The following DDX52 variants were observed in gnomAD, a reference collection of about 807,000 sequenced individuals.
The protein encoded by DDX52 is probable ATP-dependent RNA helicase DDX52.
Under a neutral mutation model 76.1 loss-of-function variants are expected in DDX52, and 59 were observed. The observed-to-expected ratio is 0.78, with a 90% CI of 0.63 to 0.96. The LOEUF (loss-of-function observed/expected upper bound fraction) is 0.96, where lower values mean the gene tolerates loss of function less well. Ranked by LOEUF, DDX52 falls within the 40% of genes least tolerant of loss-of-function variation. DDX52 has a pLI of 0.00. For synonymous variants in DDX52, 231 were observed against 244.1 expected (o/e 0.95, Z 0.50); for missense variants, 707 against 703.9 (o/e 1.00, Z -0.05).
intron 6 of DDX52, 54 bp downstream of exon 6, chr17:37,628,507 T>G: frequency 7.2e-7 from 1 of 1,381,900 alleles, no homozygotes; most frequent in Non-Finnish European, 1.0e-6. Context: ...AGGATATTTA[T>G]AATTTCCAGA....
intron 9 of DDX52, among the ~76,000 whole-genome samples, chr17:37,623,528 C>T (rs993749898): frequency 1.3e-5 from 2 of 152,188 alleles, no homozygotes; most frequent in African/African-American, 4.8e-5. Context: ...AAACTGTTTG[C>T]CTTAGACAGG....
At chr17:37,636,018 T>C (rs2030906276) in intron 2 of DDX52, among the ~76,000 whole-genome samples, 1 of 152,256 alleles carries the variant, frequency 6.6e-6, no homozygotes, top group Non-Finnish European at 1.5e-5. Context: ...TCCTTTGATA[T>C]ACATTTTGCA....
intron 2 of DDX52, among the ~76,000 whole-genome samples, chr17:37,639,879 T>A (rs2031107157): frequency 6.6e-6 from 1 of 152,214 alleles, no homozygotes; most frequent in Non-Finnish European, 1.5e-5. Flanking sequence ...CCTAAGTTTG[T>A]GGCGTGTCTT....
At chr17:37,620,042 T>C (rs2030001847) in intron 12 of DDX52, 1 of 507,780 alleles carries the variant, frequency 2.0e-6, no homozygotes, top group Non-Finnish European at 3.5e-6. Flanking sequence ...AATGCACTGA[T>C]GAATAACTAT....
chr17:37,633,287 C>G lies in DDX52; in HGVS notation c.417+1G>C. 6.3e-7 allele frequency: 1 copy of G among 1,598,796 alleles called. No homozygotes were observed. Among genetic ancestry groups the G allele is most frequent in the Non-Finnish European group, 8.5e-7 (1 of 1,175,192 alleles). ...TTTTGGCCCCAAAATATTTTTCTAA[C>G]CTTTTCTTTTCTGAGATTCTCCAAC... On this transcript the variant is annotated splice_donor_variant, in intron 3 of 14. Coordinates refer to ENST00000617633, the MANE Select transcript of DDX52 (RefSeq NM_007010.5). LOFTEE classifies it high-confidence loss of function.
Position 37,614,332 on chromosome 17 carries a change from G to A in DDX52, c.1764C>T (p.Asn588=), listed in dbSNP as rs1304309964. The A allele has an allele frequency of 1.2e-6, 2 of 1,611,748 alleles. No individual in the cohort carries two copies. The highest frequency in any genetic ancestry group is 2.7e-5 in the African/African-American group (2 of 74,784). ...KDKQKKVTGQ[N]SKKKVALEDK... is the part of the protein sequence containing the mutation. ...CTTCAAGAGCTACTTTCTTCTTGCT[G>A]TTCTGACCAGTGACCTTTTTCCTGT... The change falls in exon 15 of 15, where the codon AAC becomes AAT. Residue 588 remains asparagine (N), a synonymous_variant. Transcript: ENST00000617633.
rs796857346 is a variant in DDX52, at chr17:37,612,475, G to C, written c.*1821C>G. The C allele has an allele frequency of 5.3e-5, 8 of 152,308 alleles. No individual in the cohort carries two copies. Among genetic ancestry groups the C allele is most frequent in the African/African-American group, 1.4e-4 (6 of 41,560 alleles). The allele number at this position is 152,308 out of a possible 1,614,324, so 9.4% of individuals were successfully genotyped here. ...TCTATAGCATGCAGGACAGTAACAT[G>C]CTATACGGGTTTGTAGCCTAGGAGC... On this transcript the variant is annotated 3_prime_UTR_variant, in exon 15 of 15. Transcript: ENST00000617633.
chr17:37,618,171 A>G lies in DDX52; in HGVS notation c.1742+121T>C, dbSNP rs1024126588. The G allele has an allele frequency of 1.8e-5, 13 of 706,528 alleles. No homozygotes were observed. The African/African-American group carries it at 2.1e-4, about 11-fold the overall frequency. 43.8% of individuals were successfully genotyped at this position (706,528 alleles called of 1,614,324 possible). A position where few individuals can be genotyped will look rare whatever the true frequency, so the allele number is the denominator to read the frequency against. On this transcript the variant is annotated intron_variant, in intron 14 of 14. Coordinates refer to ENST00000617633, the MANE Select transcript of DDX52 (RefSeq NM_007010.5). The stretch of plus-strand genomic sequence containing the variant: ...AGGCAACCTAAAATATATTATTTTT[A>G]TAACGTTTTATAACAGACTGTAGTA...
chr17:37,641,123 G>C (rs1342847612), intron 2 of DDX52, among the ~76,000 whole-genome samples: 2 of 152,200 alleles, frequency 1.3e-5, no homozygotes, highest in Non-Finnish European at 2.9e-5. Flanking sequence ...AGGTGTGGTG[G>C]CTCACGCCTG....
intron 2 of DDX52, among the ~76,000 whole-genome samples, chr17:37,640,213 C>G (rs898386203): frequency 6.6e-5 from 10 of 152,182 alleles, no homozygotes; most frequent in African/African-American, 2.4e-4. Context: ...AAAACTACAA[C>G]AGCAAAAATG....
intron 6 of DDX52, 39 bp from the exon 7 acceptor site, chr17:37,626,899 AT>A: frequency 6.4e-7 from 1 of 1,554,476 alleles, no homozygotes; most frequent in Non-Finnish European, 8.8e-7. Context: ...CAAAAACAGG[AT>A]TTATCCCTCT....
In DDX52 at chr17:37,625,006, CTGTTTTTTTTGTTTTT is replaced by C. The variant is rs561888642; in HGVS notation, c.1137-588_1137-573del. On this transcript the variant is annotated intron_variant, in intron 8 of 14. Transcript: ENST00000617633. ...TTTATGGTGAATTCATTCTGCTTTC[CTGTTTTTTTTGTTTTT>C]CAAGATGGAATCTCACTCTGTCACC... is the stretch of plus-strand genomic sequence containing the variant. Among the ~76,000 whole-genome samples, 476 of 151,578 alleles carry C rather than the reference CTGTTTTTTTTGTTTTT, an allele frequency of 3.1e-3. 6 individuals carry two copies. In the East Asian group the frequency reaches 0.049, roughly 15 times the overall value.
At chr17:37,624,309 CTT>C (rs751286788) in intron 9 of DDX52, 33 bp downstream of exon 9, 3 of 1,570,058 alleles carry the variant, frequency 1.9e-6, no homozygotes, top group Middle Eastern at 1.8e-4. Context: ...ACTTGGCAAA[CTT>C]TACCAAAATT....
In DDX52 at chr17:37,628,986, G is replaced by A. The variant is rs181031338; in HGVS notation, c.748-314C>T. ...TAATCCCAGCGCTTTGGGAGGCCAAGGTGGGTGGATCACTTGAGGCCAGGA... is the reference window on the plus strand; with the variant it reads ...TAATCCCAGCGCTTTGGGAGGCCAAAGTGGGTGGATCACTTGAGGCCAGGA... On this transcript the variant is annotated intron_variant, in intron 5 of 14. Coordinates refer to ENST00000617633, the MANE Select transcript of DDX52 (RefSeq NM_007010.5). 2.0e-5 allele frequency among the ~76,000 whole-genome samples: 3 copies of A among 152,316 alleles called. No homozygotes were observed. The East Asian group carries it at 5.8e-4, about 29-fold the overall frequency.
rs770975759 is a variant in DDX52 at position 37,643,427 on chromosome 17, CCAGAAAGCGCCA to C, written c.-19_-8del. 5 of 1,613,712 alleles carry C rather than the reference CCAGAAAGCGCCA, an allele frequency of 3.1e-6. No individual in the cohort carries two copies. In the East Asian group the frequency reaches 1.1e-4, roughly 36 times the overall value. On this transcript the variant is annotated 5_prime_UTR_variant, in exon 1 of 15. Coordinates refer to ENST00000617633, the MANE Select transcript of DDX52 (RefSeq NM_007010.5). ...AGAGATCGTGGACGTCCATCTTTAC[CCAGAAAGCGCCA>C]CAGTTCTACGGCGCCTGCGCAGACT...
Position 37,609,985 on chromosome 17 carries a change from G to A in DDX52, c.*4311C>T, listed in dbSNP as rs1473878932. On this transcript the variant is annotated 3_prime_UTR_variant, in exon 15 of 15. Coordinates refer to ENST00000617633, the MANE Select transcript of DDX52 (RefSeq NM_007010.5). ...ACCCATATTTCGAAAAAACTCCAAG[G>A]TGTACTACTCTTGTTTGGTTCTGCC... is the stretch of plus-strand genomic sequence containing the variant. 6.6e-6 allele frequency: 1 copy of A among 150,792 alleles called. No homozygotes were observed. The highest frequency in any genetic ancestry group is 2.5e-5 in the African/African-American group (1 of 40,078). 9.3% of individuals were successfully genotyped at this position (150,792 alleles called of 1,614,324 possible).
intron 2 of DDX52, among the ~76,000 whole-genome samples, chr17:37,634,374 G>A (rs2030831491): frequency 6.6e-6 from 1 of 151,552 alleles, no homozygotes; most frequent in Admixed American, 6.6e-5. Context: ...GCTCATGCCT[G>A]TAATCCCAGC....
At chr17:37,631,917 GGAA>G (rs2030699680) in intron 4 of DDX52, 193 bp downstream of exon 4, 7 of 634,846 alleles carry the variant, frequency 1.1e-5, no homozygotes, top group South Asian at 6.3e-5. Context: ...TACTAGAAAA[GGAA>G]GAAGATCACA....
chr17:37,619,438 G>A (rs1038411669), intron 13 of DDX52, among the ~76,000 whole-genome samples: 3 of 152,162 alleles, frequency 2.0e-5, no homozygotes, highest in African/African-American at 4.8e-5. Flanking sequence ...ACACAAGCCT[G>A]TAATCCTAGT....
Sources: allele counts gnomAD v4.1 joint callset (sites outside exome capture counted in the v4.1 genomes callset), GRCh38; gene constraint gnomAD v4.1.1; transcripts MANE v1.5; gene names NCBI Gene and HGNC (gene_info 2026-07-23, HGNC 2026-07-21).